The following ANKRD45 variants were observed in gnomAD, a reference collection of about 807,000 sequenced individuals.
ANKRD45 encodes the protein ankyrin repeat domain-containing protein 45.
ANKRD45 carries 21 observed loss-of-function variants against 28.1 expected under a neutral mutation model. The observed-to-expected ratio is 0.75, with a 90% CI of 0.53 to 1.08. The LOEUF is 1.08. Among genes scored for constraint, ANKRD45 ranks in the 50% least tolerant of loss-of-function variants. The pLI is 0.00. For synonymous variants in ANKRD45, 86 were observed against 103.9 expected, an observed-to-expected ratio of 0.83 and a Z score of 1.05; for missense variants, 261 against 308.7, an observed-to-expected ratio of 0.85 and a Z score of 1.16.
chr1:173,698,305 TC>T, the ANKRD45 span, among the ~76,000 whole-genome samples: 1 of 152,134 alleles, frequency 6.6e-6, no homozygotes, highest in African/African-American at 2.4e-5. Flanking sequence ...TGAACTCAGC[TC>T]TGCACCAATC....
the ANKRD45 span, among the ~76,000 whole-genome samples, chr1:173,700,239 A>C: frequency 6.6e-6 from 1 of 152,246 alleles, no homozygotes; most frequent in African/African-American, 2.4e-5. Context: ...GAAAATGGCC[A>C]TACTGCCCAA....
At chr1:173,702,598 A>AGAAGGAG in the ANKRD45 span, among the ~76,000 whole-genome samples, 1 of 151,970 alleles carries the variant, frequency 6.6e-6, no homozygotes, top group Non-Finnish European at 1.5e-5. Flanking sequence ...AGGAAGAAGG[A>AGAAGGAG]GAAGGAGGAA....
chr1:173,658,942 G>A (rs1669662778), intron 2 of ANKRD45, 149 bp downstream of exon 2: 1 of 1,135,958 alleles, frequency 8.8e-7, no homozygotes. Context: ...ACATTTACAT[G>A]TATACACATA....
the ANKRD45 span, among the ~76,000 whole-genome samples, chr1:173,683,539 C>G: frequency 6.6e-6 from 1 of 152,088 alleles, no homozygotes; most frequent in Non-Finnish European, 1.5e-5. Context: ...GTTTCCAGGC[C>G]TCAGCAAATT....
At chr1:173,688,555 C>T in the ANKRD45 span, among the ~76,000 whole-genome samples, 1 of 99,874 alleles carries the variant, frequency 1.0e-5, no homozygotes, top group Non-Finnish European at 2.0e-5. Context: ...TCCCTCTCTG[C>T]CTCTTCCTCT....
intron 2 of ANKRD45, among the ~76,000 whole-genome samples, chr1:173,650,573 T>G (rs1253296347): frequency 2.0e-5 from 3 of 152,232 alleles, no homozygotes; most frequent in Admixed American, 6.5e-5. Flanking sequence ...CGTGTGCGTG[T>G]GTCTTTATAG....
chr1:173,652,275 T>C (rs1383324621), intron 2 of ANKRD45, among the ~76,000 whole-genome samples: 1 of 152,222 alleles, frequency 6.6e-6, no homozygotes, highest in Non-Finnish European at 1.5e-5. Flanking sequence ...ATTCCATCAA[T>C]AACTAGTTTA....
intron 5 of ANKRD45, among the ~76,000 whole-genome samples, chr1:173,618,234 C>CCTCTTCTTCTACAAGTGA: frequency 6.6e-6 from 1 of 152,310 alleles, no homozygotes; most frequent in African/African-American, 2.4e-5. Context: ...AGCCCAAGTG[C>CCTCTTCTTCTACAAGTGA]CTCTTCTTCT....
chr1:173,700,055 T>A, the ANKRD45 span, among the ~76,000 whole-genome samples: 1 of 152,186 alleles, frequency 6.6e-6, no homozygotes, highest in African/African-American at 2.4e-5. Context: ...AAATCACGTG[T>A]GACTTCCCAT....
chr1:173,660,297 A>T (rs1192235328), intron 1 of ANKRD45, among the ~76,000 whole-genome samples: 3 of 152,228 alleles, frequency 2.0e-5, no homozygotes, highest in Non-Finnish European at 4.4e-5. Context: ...TTCATTACGT[A>T]CAAGAATGTT....
At chr1:173,622,057 A>G (rs1456125077) in intron 5 of ANKRD45, among the ~76,000 whole-genome samples, 1 of 152,160 alleles carries the variant, frequency 6.6e-6, no homozygotes, top group Admixed American at 6.5e-5. Flanking sequence ...CCACTTCACA[A>G]TTGCTACAAA....
upstream of ANKRD45, among the ~76,000 whole-genome samples, chr1:173,673,588 T>C (rs1348659309): frequency 1.3e-5 from 2 of 150,338 alleles, no homozygotes; most frequent in African/African-American, 5.0e-5. Flanking sequence ...ATAAATTATC[T>C]CTAATCCTTA....
the ANKRD45 span, chr1:173,675,382 G>A: frequency 3.4e-6 from 1 of 291,714 alleles, no homozygotes; most frequent in African/African-American, 2.3e-5. Context: ...GGAGGCCGAG[G>A]CAGGTGGATC....
At chr1:173,671,341 G>A (rs1571795653), upstream of ANKRD45, among the ~76,000 whole-genome samples, 1 of 152,110 alleles carries the variant, frequency 6.6e-6, no homozygotes, top group African/African-American at 2.4e-5. Context: ...ACAGGTGAGT[G>A]GGCTCAAGGA....
At chr1:173,635,745 G>A in intron 3 of ANKRD45, 1 of 1,535,122 alleles carries the variant, frequency 6.5e-7, no homozygotes, top group Non-Finnish European at 8.7e-7. Flanking sequence ...TTTCAGGGTT[G>A]TTTATATCTC....
At chr1:173,661,228 G>C (rs1013651151) in intron 1 of ANKRD45, among the ~76,000 whole-genome samples, 1 of 152,252 alleles carries the variant, frequency 6.6e-6, no homozygotes, top group Admixed American at 6.5e-5. Flanking sequence ...CAAGATGTGG[G>C]AAATGTGATA....
the ANKRD45 span, among the ~76,000 whole-genome samples, chr1:173,684,908 A>G: frequency 6.6e-6 from 1 of 152,082 alleles, no homozygotes; most frequent in Admixed American, 6.5e-5. Flanking sequence ...ATTAATTGTC[A>G]CCTACCAAAA....
chr1:173,698,595 G>T, the ANKRD45 span, among the ~76,000 whole-genome samples: 3 of 150,142 alleles, frequency 2.0e-5, no homozygotes, highest in East Asian at 6.1e-4. Context: ...AATGAAGGCA[G>T]AAATAAAGAT....
At chr1:173,666,433 C>A (rs972276074) in intron 1 of ANKRD45, among the ~76,000 whole-genome samples, 15 of 152,112 alleles carry the variant, frequency 9.9e-5, no homozygotes, top group Admixed American at 7.2e-4. Flanking sequence ...CCTGTAGATA[C>A]CAAAATCCAT....
Sources: gnomAD v4.1 joint callset for allele counts (sites outside exome capture counted in the v4.1 genomes callset) on GRCh38, gnomAD v4.1.1 for gene constraint, MANE v1.5 for transcripts, NCBI Gene and HGNC (gene_info 2026-07-23, HGNC 2026-07-21) for gene names.